The following TRIM49C variants were observed in gnomAD, a reference collection of about 807,000 sequenced individuals.
TRIM49C encodes tripartite motif containing 49C, also known as tripartite motif-containing protein 49C.
A neutral mutation model predicts 21.4 loss-of-function variants in TRIM49C; 6 were observed. That is an observed-to-expected ratio of 0.28 (90% CI 0.15 to 0.55). The LOEUF (loss-of-function observed/expected upper bound fraction) is 0.55. Among genes scored for constraint, TRIM49C ranks in the 20% least tolerant of loss-of-function variants. The pLI, the probability that TRIM49C is intolerant of heterozygous loss-of-function variation, is 0.94. For missense variants in TRIM49C, 161 were observed against 442.4 expected, an observed-to-expected ratio of 0.36 and a Z score of 5.71; for synonymous variants, 57 against 148.1, an observed-to-expected ratio of 0.38 and a Z score of 4.47.
chr11:90,072,076 C>A, the TRIM49C span, among the ~76,000 whole-genome samples: 1 of 141,012 alleles, frequency 7.1e-6, no homozygotes, highest in Non-Finnish European at 1.5e-5. Context: ...TTCATGTATA[C>A]AATTATTACA....
chr11:90,072,443 A>C, the TRIM49C span, among the ~76,000 whole-genome samples: 14 of 145,916 alleles, frequency 9.6e-5, no homozygotes, highest in Non-Finnish European at 2.0e-4. Flanking sequence ...AGGCAGATTC[A>C]GATTTTCTCT....
downstream of TRIM49C, among the ~76,000 whole-genome samples, chr11:90,042,708 G>T (rs1950778744): frequency 9.0e-6 from 1 of 111,194 alleles, no homozygotes; most frequent in African/African-American, 3.6e-5. Flanking sequence ...AATCCCTTTT[G>T]GGAAACTGAC....
At chr11:90,046,747 T>A (rs1449699485), downstream of TRIM49C, among the ~76,000 whole-genome samples, 2 of 125,220 alleles carry the variant, frequency 1.6e-5, 1 homozygote, top group African/African-American at 6.5e-5. Context: ...TTTTGAAGGT[T>A]TCATTGTGTC....
the TRIM49C span, chr11:90,071,169 G>C: frequency 6.1e-6 from 3 of 493,470 alleles, 1 homozygote; most frequent in Admixed American, 7.9e-5. Context: ...TGGTGGCAAG[G>C]TATGTTAATG....
chr11:90,048,919 G>T, the TRIM49C span, among the ~76,000 whole-genome samples: 1 of 125,502 alleles, frequency 8.0e-6, no homozygotes, highest in Non-Finnish European at 1.6e-5. Flanking sequence ...GGGCTTTGAT[G>T]CTGGTGACGT....
At chr11:90,054,881 C>T in the TRIM49C span, among the ~76,000 whole-genome samples, 1 of 144,652 alleles carries the variant, frequency 6.9e-6, no homozygotes, top group Admixed American at 7.2e-5. Flanking sequence ...TACTGTCTTT[C>T]TGCAAAGTGA....
intron 3 of TRIM49C, 73 bp from the exon 4 acceptor site, chr11:90,035,815 T>C: frequency 5.7e-6 from 3 of 522,314 alleles, no homozygotes; most frequent in Non-Finnish European, 9.2e-6. Context: ...TAGGGGCTTA[T>C]TTGTCTCTCA....
At chr11:90,071,440 T>C in the TRIM49C span, among the ~76,000 whole-genome samples, 15 of 142,004 alleles carry the variant, frequency 1.1e-4, 1 homozygote, top group Admixed American at 4.7e-4. Context: ...CAATTGCCTC[T>C]TTTTAGGATT....
rs1490801641 is a variant in TRIM49C, at chr11:90,038,643, G to C, written c.739-50G>C. ...AAATCTCACACTGAACTTAGTGAAA[G>C]ATGCATCTTGTGAAATGCACTAAAT... is the stretch of plus-strand genomic sequence containing the variant. On this transcript the variant is annotated intron_variant, in intron 5 of 7. Transcript: ENST00000448984. 4.3e-6 allele frequency: 3 copies of C among 694,866 alleles called. 1 individual carries two copies. The Admixed American group carries it at 1.3e-4, about 29-fold the overall frequency. 43.0% of individuals were successfully genotyped at this position (694,866 alleles called of 1,614,324 possible).
rs561825611 is a variant in TRIM49C, at chr11:90,034,090, A to G, written c.-4-1118A>G. ...TGATTATGGAGTCTAGAGAGTTCCAATATAGGCTGTCTCTAAGCTGGTGTC... is the reference window on the plus strand; with the variant it reads ...TGATTATGGAGTCTAGAGAGTTCCAGTATAGGCTGTCTCTAAGCTGGTGTC... On this transcript the variant is annotated intron_variant, in intron 2 of 7. Transcript: ENST00000448984. 7.2e-5 allele frequency among the ~76,000 whole-genome samples: 9 copies of G among 124,770 alleles called. 1 individual carries two copies. The East Asian group carries it at 1.9e-3, about 27-fold the overall frequency. The allele number at this position is 124,770 out of a possible 152,430, so 81.9% of individuals were successfully genotyped here. A position where few individuals can be genotyped will look rare whatever the true frequency, so the allele number is the denominator to read the frequency against.
the TRIM49C span, among the ~76,000 whole-genome samples, chr11:90,065,740 A>C: frequency 2.1e-5 from 3 of 140,324 alleles, no homozygotes; most frequent in African/African-American, 7.6e-5. Context: ...GTGGATCACG[A>C]GGTCAGGAGT....
At chr11:90,073,350 A>G in the TRIM49C span, 1 of 708,940 alleles carries the variant, frequency 1.4e-6, no homozygotes, top group Non-Finnish European at 2.4e-6. Flanking sequence ...GGCTCCTTAA[A>G]TTTTCCTGTC....
At chr11:90,035,001 G>A (rs1179093828) in intron 2 of TRIM49C, among the ~76,000 whole-genome samples, 1 of 135,100 alleles carries the variant, frequency 7.4e-6, no homozygotes, top group Non-Finnish European at 1.6e-5. Flanking sequence ...AGAAGGGACT[G>A]TGAGTCCTCT....
At chr11:90,066,250 C>T in the TRIM49C span, among the ~76,000 whole-genome samples, 4 of 136,780 alleles carry the variant, frequency 2.9e-5, no homozygotes, top group Non-Finnish European at 6.3e-5. Context: ...GAACTCCTCA[C>T]TTCAGGTGAT....
At chr11:90,046,309 G>C (rs1168131184), downstream of TRIM49C, among the ~76,000 whole-genome samples, 1 of 125,428 alleles carries the variant, frequency 8.0e-6, no homozygotes, top group Non-Finnish European at 1.6e-5. Context: ...GAGTTAGGGA[G>C]GATTCCCTCT....
chr11:90,052,763 C>A, the TRIM49C span: 1 of 157,086 alleles, frequency 6.4e-6, no homozygotes, highest in South Asian at 1.7e-4. Context: ...CCAAACGCAT[C>A]CCTCCTTCAA....
the TRIM49C span, among the ~76,000 whole-genome samples, chr11:90,054,542 C>A: frequency 1.5e-5 from 2 of 135,842 alleles, no homozygotes; most frequent in African/African-American, 5.2e-5. Context: ...GATTATCCTG[C>A]CTCAGCCTCC....
chr11:90,070,702 T>C, the TRIM49C span, among the ~76,000 whole-genome samples: 1 of 140,948 alleles, frequency 7.1e-6, no homozygotes, highest in Non-Finnish European at 1.5e-5. Context: ...GAGAATACAT[T>C]TTAAAAGTGT....
the TRIM49C span, among the ~76,000 whole-genome samples, chr11:90,055,956 CTT>C: frequency 4.7e-4 from 46 of 97,842 alleles, 1 homozygote; most frequent in East Asian, 2.3e-3. Context: ...CATCTGGATT[CTT>C]TTTTTTTTTT....
Sources: allele counts gnomAD v4.1 joint callset (sites outside exome capture counted in the v4.1 genomes callset), GRCh38; gene constraint gnomAD v4.1.1; transcripts MANE v1.5; gene names NCBI Gene and HGNC (gene_info 2026-07-23, HGNC 2026-07-21).